TM7SF2: variants seen among roughly 807,000 people sequenced by gnomAD.
TM7SF2 encodes the protein delta(14)-sterol reductase TM7SF2.
TM7SF2 carries 51 observed loss-of-function variants against 51.0 expected under a neutral mutation model. The ratio of observed to expected loss-of-function variants is 1.00; its 90% CI spans 0.80 to 1.26. TM7SF2 has a LOEUF of 1.26. TM7SF2 is among the 50% of genes most tolerant of loss of function. The pLI, the probability that TM7SF2 is intolerant of heterozygous loss-of-function variation, is 0.00. For missense variants in TM7SF2, 541 were observed against 547.4 expected (o/e 0.99, Z 0.12); for synonymous variants, 255 against 241.0 (o/e 1.06, Z -0.54).
chr11:65,112,428 C>G, intron 1 of TM7SF2, 87 bp from the exon 2 acceptor site: 1 of 1,361,092 alleles, frequency 7.3e-7, no homozygotes, highest in East Asian at 2.9e-5. Context: ...CCGAGAGGGT[C>G]CCGCAGAGAC....
chr11:65,115,155 C>G (rs140761771), intron 7 of TM7SF2, 74 bp downstream of exon 7: 9 of 1,597,170 alleles, frequency 5.6e-6, no homozygotes, highest in Non-Finnish European at 7.7e-6. Flanking sequence ...TTTACACGCA[C>G]CACCACATAG....
Position 65,113,228 on chromosome 11 carries a change from G to T in TM7SF2, c.313G>T (p.Ala105Ser). 1 of 1,599,556 alleles carries T rather than the reference G, an allele frequency of 6.3e-7. No individual in the cohort carries two copies. The highest frequency in any genetic ancestry group is 8.5e-7 in the Non-Finnish European group (1 of 1,178,576). ...RLRYPINGFQ[A>S]LVLTALLVGL... ...TGTGCGCTGTGGTTCAGGCTTCCAG[G>T]CCCTGGTGCTGACAGCCCTGTTGGT... is the stretch of plus-strand genomic sequence containing the variant. The change falls in exon 4 of 10, where the codon GCC (alanine) becomes TCC (serine). Residue 105 changes from alanine to serine, a missense_variant. By Grantham distance (99) the Ala-to-Ser change is moderately conservative. Coordinates refer to ENST00000279263, the MANE Select transcript of TM7SF2 (RefSeq NM_003273.6).
rs112462138 is a variant in TM7SF2 at position 65,113,372 on chromosome 11, C to A, written c.457C>A (p.Gln153Lys). The change falls in exon 4 of 10, where the codon CAG (glutamine) becomes AAG (lysine). Residue 153 changes from glutamine to lysine, a missense_variant. By Grantham distance (53) the Gln-to-Lys change is moderately conservative. Transcript: ENST00000279263. Reference protein sequence around the residue: ...IFSLFLYMKAQVAPVSALAPG... With the variant: ...IFSLFLYMKAKVAPVSALAPG... ...CAGCCTCTTTCTCTACATGAAGGCGCAGGTAGCCCCAGTTTCGGCCCTGGC... is the reference window on the plus strand; with the variant it reads ...CAGCCTCTTTCTCTACATGAAGGCGAAGGTAGCCCCAGTTTCGGCCCTGGC... 3.0e-5 allele frequency: 48 copies of A among 1,614,162 alleles called. No individual in the cohort carries two copies. In the African/African-American group the frequency reaches 4.1e-4, roughly 14 times the overall value.
chr11:65,116,014 C>T lies in TM7SF2; in HGVS notation c.1218C>T (p.Cys406=), dbSNP rs1242045787. The change falls in exon 10 of 10, where the codon TGC becomes TGT. Residue 406 remains cysteine (C), a synonymous_variant. Transcript: ENST00000279263. ...QKYGLAWQEY[C]RRVPYRIMPY... ...ACGGCCTGGCCTGGCAGGAGTACTG[C>T]CGGCGTGTGCCTTACCGCATCATGC... 5.0e-6 allele frequency: 8 copies of T among 1,611,506 alleles called. No individual in the cohort carries two copies. Among genetic ancestry groups the T allele is most frequent in the South Asian group, 1.1e-5 (1 of 91,046 alleles).
intron 9 of TM7SF2, 145 bp downstream of exon 9, chr11:65,115,743 G>C: frequency 6.4e-7 from 1 of 1,569,100 alleles, no homozygotes; most frequent in Non-Finnish European, 8.7e-7. Flanking sequence ...GCACACCTCT[G>C]TGCCAACCTA....
rs555372850 is a variant in TM7SF2, at chr11:65,114,650, G to A, written c.604-63G>A. 32 of 1,562,142 alleles carry A rather than the reference G, an allele frequency of 2.0e-5. No individual in the cohort carries two copies. The East Asian group carries it at 6.9e-4, about 34-fold the overall frequency. The stretch of plus-strand genomic sequence containing the variant: ...CTGACAGTTGAGAAGGGCAGAGGCT[G>A]GCCACTGCTCTGCCCAAGGCTGCCA... On this transcript the variant is annotated intron_variant, in intron 5 of 9. Transcript: ENST00000279263.
At chr11:65,112,317 G>A (rs1191609527) in intron 1 of TM7SF2, 198 bp from the exon 2 acceptor site, 4 of 688,976 alleles carry the variant, frequency 5.8e-6, no homozygotes, top group African/African-American at 1.9e-5. Flanking sequence ...GGGCCTGGGG[G>A]CGGGGGACTA....
At position 65,112,537 on chromosome 11, in the gene TM7SF2, G is replaced by A; in HGVS notation, c.75G>A (p.Leu25=). ...GPLGAAALLL[L]LPATMFHLLL... ...CAGGCGCCGCGGCTCTGCTACTGCT[G>A]CTGCCCGCCACCATGTTCCACCTGC... The change falls in exon 2 of 10, where the codon CTG becomes CTA. Residue 25 remains leucine, a synonymous_variant. Coordinates refer to ENST00000279263, the MANE Select transcript of TM7SF2 (RefSeq NM_003273.6). 1 of 1,531,874 alleles carries A rather than the reference G, an allele frequency of 6.5e-7. No individual in the cohort carries two copies. The highest frequency in any genetic ancestry group is 8.7e-7 in the Non-Finnish European group (1 of 1,148,892). 94.9% of individuals were successfully genotyped at this position (1,531,874 alleles called of 1,614,324 possible). A position where few individuals can be genotyped will look rare whatever the true frequency, so the allele number is the denominator to read the frequency against.
At chr11:65,113,455 C>G (rs777631580) in intron 4 of TM7SF2, 36 bp from the exon 5 acceptor site, 1 of 1,613,330 alleles carries the variant, frequency 6.2e-7, no homozygotes, top group South Asian at 1.1e-5. Context: ...CAGATTGGGG[C>G]GTCTGCCTGT....
chr11:65,113,150 T>C (rs1947932200), intron 3 of TM7SF2, 70 bp from the exon 4 acceptor site: 2 of 1,454,100 alleles, frequency 1.4e-6, no homozygotes, highest in South Asian at 1.4e-5. Flanking sequence ...AGTTTTGGGC[T>C]CTGCGTGTGT....
chr11:65,112,269 T>A, intron 1 of TM7SF2: 1 of 657,068 alleles, frequency 1.5e-6, no homozygotes, highest in Non-Finnish European at 2.5e-6. Flanking sequence ...GAACGGGGAT[T>A]TATGGTGTCG....
At position 65,115,941 on chromosome 11, in the gene TM7SF2, T is replaced by G. The variant is rs1023269696; in HGVS notation, c.1145T>G (p.Leu382Arg). The G allele has an allele frequency of 1.9e-6, 3 of 1,613,882 alleles. No individual in the cohort carries two copies. Among genetic ancestry groups the G allele is most frequent in the Admixed American group, 3.3e-5 (2 of 60,004 alleles). Residue 382 changes from leucine (L) to arginine (R), a missense_variant, in exon 10 of 10, where the codon CTG becomes CGG. Leu to Arg is a moderately radical substitution (Grantham distance 102). Transcript: ENST00000279263. ...PYFYLLYFTA[L>R]LVHREARDER... ...TTCTACCTCCTCTACTTCACCGCGC[T>G]GCTGGTGCACCGTGAGGCCCGGGAT...
rs35719056 is a variant in TM7SF2, at chr11:65,115,549, C to T, written c.1047C>T (p.Pro349=). ...VSGWWGMVRH[P]NYLGDLIMAL... is the part of the protein sequence containing the mutation. ...GGTGGTGGGGTATGGTCCGCCATCC[C>T]AACTATCTTGGAGACCTCATCATGG... Residue 349 remains proline, a synonymous_variant, in exon 9 of 10, where the codon CCC becomes CCT. Coordinates refer to ENST00000279263, the MANE Select transcript of TM7SF2 (RefSeq NM_003273.6). The T allele has an allele frequency of 1.8e-3, 2,839 of 1,614,090 alleles. 42 individuals carry two copies. The African/African-American group carries it at 0.032, about 18-fold the overall frequency.
intron 1 of TM7SF2, 176 bp downstream of exon 1, chr11:65,112,243 G>C (rs1015824153): frequency 2.9e-6 from 2 of 699,196 alleles, no homozygotes; most frequent in African/African-American, 3.7e-5. Context: ...AGGAGGGGCC[G>C]GTTCTGGGGG....
rs200277720 is a variant in TM7SF2, at chr11:65,115,965, A to G, written c.1169A>G (p.Asp390Gly). 2.7e-4 allele frequency: 441 copies of G among 1,613,714 alleles called. 2 individuals carry two copies. Among genetic ancestry groups the G allele is most frequent in the Non-Finnish European group, 2.8e-4 (332 of 1,180,022 alleles). ...TALLVHREAR[D>G]ERQCLQKYGL... ...CTGCTGGTGCACCGTGAGGCCCGGG[A>G]TGAGCGGCAGTGCCTGCAGAAGTAC... The change falls in exon 10 of 10, where the codon GAT (aspartate) becomes GGT (glycine). Residue 390 changes from aspartate (D) to glycine (G), a missense_variant. Physicochemically the swap from Asp to Gly is moderately conservative, Grantham distance 94. Transcript: ENST00000279263.
intron 7 of TM7SF2, 74 bp from the exon 8 acceptor site, chr11:65,115,240 T>C: frequency 6.3e-7 from 1 of 1,596,920 alleles, no homozygotes; most frequent in Admixed American, 1.7e-5. Context: ...TGCAGACAAG[T>C]TGGGCAGATG....
chr11:65,115,518 T>C lies in TM7SF2; in HGVS notation c.1016T>C (p.Val339Ala), dbSNP rs751733062. ...ACAGCCACAGGGCGGAAACTGCTGG[T>C]GTCTGGGTGGTGGGGTATGGTCCGC... The part of the protein sequence containing the change: ...ISTATGRKLL[V>A]SGWWGMVRHP... Residue 339 changes from valine to alanine, a missense_variant, in exon 9 of 10, where the codon GTG becomes GCG. Val to Ala is a moderately conservative substitution (Grantham distance 64). Transcript: ENST00000279263. 1.9e-6 allele frequency: 3 copies of C among 1,614,122 alleles called. No individual in the cohort carries two copies. Among genetic ancestry groups the C allele is most frequent in the Middle Eastern group, 1.7e-4 (1 of 6,052 alleles).
chr11:65,113,919 G>A (rs2137203777), intron 5 of TM7SF2: 1 of 379,294 alleles, frequency 2.6e-6, no homozygotes, highest in South Asian at 2.6e-5. Flanking sequence ...CTATTTCCAG[G>A]GAGTGACCGC....
In TM7SF2 at chr11:65,115,080, TGGTC is replaced by T. The variant is rs750526130; in HGVS notation, c.892_892+3del. Reference sequence around the variant, plus strand: ...TGGCCTCTGTCATCTGCCTCATCAATGGTCAGTCAGGAAGGGGCAGCAGGCTGGG... The same window carrying T: ...TGGCCTCTGTCATCTGCCTCATCAATAGTCAGGAAGGGGCAGCAGGCTGGG... On this transcript the variant is annotated splice_donor_variant and splice_donor_region_variant and coding_sequence_variant and intron_variant, in exon 7 of 10. Coordinates refer to ENST00000279263, the MANE Select transcript of TM7SF2 (RefSeq NM_003273.6). LOFTEE classifies it high-confidence loss of function. 3.1e-6 allele frequency: 5 copies of T among 1,613,224 alleles called. No homozygotes were observed. Among genetic ancestry groups the T allele is most frequent in the Non-Finnish European group, 4.2e-6 (5 of 1,179,640 alleles).
Sources: gnomAD v4.1 joint callset for allele counts on GRCh38, gnomAD v4.1.1 for gene constraint, MANE v1.5 for transcripts, NCBI Gene and HGNC (gene_info 2026-07-23, HGNC 2026-07-21) for gene names.